The following MOBP variants were observed in gnomAD, a reference collection of about 807,000 sequenced individuals.
MOBP encodes myelin-associated oligodendrocyte basic protein.
In MOBP, 5 loss-of-function variants were observed where a neutral mutation model predicts 15.0. That is an observed-to-expected ratio of 0.33 (90% confidence interval 0.17 to 0.70). The LOEUF (loss-of-function observed/expected upper bound fraction) is 0.70. MOBP is among the 30% of genes least tolerant of loss of function. MOBP has a pLI of 0.67. For missense variants in MOBP, 188 were observed against 257.8 expected, an observed-to-expected ratio of 0.73 and a Z score of 1.85; for synonymous variants, 88 against 99.0, an observed-to-expected ratio of 0.89 and a Z score of 0.66.
In MOBP at chr3:39,513,315, A is replaced by G. The variant is rs550786049; in HGVS notation, c.*-68A>G. On this transcript the variant is annotated intron_variant, in intron 4 of 4. Coordinates refer to the MOBP transcript ENST00000311042. ...ATCCACAATTATACTAACTGAACAC[A>G]GAGAAAGAGAGAGAGTATACATCAC... 14 of 1,387,748 alleles carry G rather than the reference A, an allele frequency of 1.0e-5. No individual in the cohort carries two copies. In the East Asian group the frequency reaches 2.8e-4, roughly 28 times the overall value. The allele number at this position is 1,387,748 out of a possible 1,614,324, so 86.0% of individuals were successfully genotyped here.
In MOBP at chr3:39,502,217, G is replaced by C; in HGVS notation, c.148G>C (p.Gly50Arg). The C allele has an allele frequency of 6.2e-7, 1 of 1,614,208 alleles. No homozygotes were observed. The highest frequency in any genetic ancestry group is 8.5e-7 in the Non-Finnish European group (1 of 1,180,040). ...TCGGAAATACAGCATCTGTAAGAGC[G>C]GCTGCTTCTACCAGAAGAAAGAGGA... ...VDRKYSICKS[G>R]CFYQKKEEDW... The change falls in exon 3 of 4, where the codon GGC (glycine) becomes CGC (arginine). Residue 50 changes from glycine (G) to arginine (R), a missense_variant. This residue lies in a region of MOBP where 133 missense variants were observed against 212.5 expected (regional missense o/e 0.63). Transcript: ENST00000684792. This position sits in a 1 kb window ranked among gnomAD's most constrained non-coding sequence, Gnocchi z 6.3.
At chr3:39,516,518 T>C (rs1220072046), downstream of MOBP, among the ~76,000 whole-genome samples, 1 of 152,112 alleles carries the variant, frequency 6.6e-6, no homozygotes, top group Admixed American at 6.5e-5. Context: ...ATTTCCTCTG[T>C]AAAGTAGGAG....
chr3:39,488,057 A>G (rs1421922966), intron 2 of MOBP, among the ~76,000 whole-genome samples: 3 of 152,154 alleles, frequency 2.0e-5, no homozygotes, highest in Non-Finnish European at 4.4e-5. Context: ...TTTTTTCTCA[A>G]AACAATCCAT....
intron 3 of MOBP, among the ~76,000 whole-genome samples, chr3:39,521,143 A>T (rs1305128267): frequency 6.6e-6 from 1 of 151,920 alleles, no homozygotes; most frequent in African/African-American, 2.4e-5. Flanking sequence ...AGAGACAGGG[A>T]TTCACCATGT....
At chr3:39,528,903 C>G (rs1048232858), downstream of MOBP, 2 of 152,244 alleles carry the variant, frequency 1.3e-5, no homozygotes, top group African/African-American at 4.8e-5. Flanking sequence ...TGTGTGGGCA[C>G]TATTGCAAGT....
downstream of MOBP, among the ~76,000 whole-genome samples, chr3:39,516,653 A>G (rs773172297): frequency 3.3e-5 from 5 of 152,240 alleles, no homozygotes; most frequent in African/African-American, 7.2e-5. Flanking sequence ...TTCTTTCTCC[A>G]GATGAATTTA....
chr3:39,487,811 C>T (rs9819301), intron 2 of MOBP, among the ~76,000 whole-genome samples: 9,115 of 152,054 alleles, frequency 0.06, 775 homozygotes, highest in African/African-American at 0.18. Context: ...TGTGAGCCAC[C>T]GCGCCCGGCC....
At chr3:39,515,288 C>G (rs2043186596) in exon 5 of MOBP, 1 of 152,154 alleles carries the variant, frequency 6.6e-6, no homozygotes. Context: ...GGAGTGAATC[C>G]ATCTCTATTC....
chr3:39,475,664 A>G (rs1245415240), intron 1 of MOBP, among the ~76,000 whole-genome samples: 1 of 152,154 alleles, frequency 6.6e-6, no homozygotes, highest in Non-Finnish European at 1.5e-5. Flanking sequence ...TTATAATCCA[A>G]TACTATTCTT....
At chr3:39,480,818 A>T (rs917652872) in intron 2 of MOBP, among the ~76,000 whole-genome samples, 2 of 152,216 alleles carry the variant, frequency 1.3e-5, no homozygotes, top group African/African-American at 4.8e-5. Flanking sequence ...CACTCTGCTC[A>T]TCCATCTATT....
chr3:39,471,854 G>T (rs1454266830), intron 1 of MOBP, among the ~76,000 whole-genome samples: 2 of 152,248 alleles, frequency 1.3e-5, no homozygotes, highest in African/African-American at 4.8e-5. Flanking sequence ...CAACAGGTGT[G>T]TGGAGGCATT....
intron 1 of MOBP, among the ~76,000 whole-genome samples, chr3:39,468,811 TG>T (rs2042391442): frequency 8.4e-6 from 1 of 119,144 alleles, no homozygotes; most frequent in African/African-American, 4.7e-5. Flanking sequence ...TACATATGTG[TG>T]TGTATACATA....
downstream of MOBP, among the ~76,000 whole-genome samples, chr3:39,518,228 G>A (rs1487153412): frequency 6.6e-6 from 1 of 152,146 alleles, no homozygotes; most frequent in Non-Finnish European, 1.5e-5. Flanking sequence ...AACCCAAAAG[G>A]TGCAAGGATT....
intron 2 of MOBP, among the ~76,000 whole-genome samples, chr3:39,486,707 A>G (rs116559155): frequency 6.6e-6 from 1 of 152,150 alleles, no homozygotes; most frequent in Non-Finnish European, 1.5e-5. Context: ...GGTGAGTTTG[A>G]ATGTATTTTT....
chr3:39,473,169 C>T (rs1353537669), intron 1 of MOBP, among the ~76,000 whole-genome samples: 4 of 152,128 alleles, frequency 2.6e-5, no homozygotes, highest in Non-Finnish European at 5.9e-5. Flanking sequence ...TAGGTAAATA[C>T]CTGGTGTCAG....
chr3:39,487,001 T>C (rs2042720017), intron 2 of MOBP, among the ~76,000 whole-genome samples: 1 of 151,346 alleles, frequency 6.6e-6, no homozygotes, highest in African/African-American at 2.4e-5. Context: ...AGTGCAGTGG[T>C]GTGATCATAG....
rs181948363 is a variant in MOBP at position 39,502,946 on chromosome 3, C to G, written c.*66C>G. The G allele has an allele frequency of 8.1e-6, 6 of 740,372 alleles. No homozygotes were observed. The highest frequency in any genetic ancestry group is 1.3e-5 in the Non-Finnish European group (6 of 462,686). The allele number at this position is 740,372 out of a possible 1,614,324, so 45.9% of individuals were successfully genotyped here. On this transcript the variant is annotated 3_prime_UTR_variant, in exon 4 of 4. Transcript: ENST00000684792. This position sits in a 1 kb window ranked among gnomAD's most constrained non-coding sequence, Gnocchi z 6.3. ...AGTTGCTTCCTGTGTTTACTAACAC[C>G]GGGCTGTCTCCATGGCCCTCTTCAG...
downstream of MOBP, among the ~76,000 whole-genome samples, chr3:39,505,007 CTGAT>C (rs2043030824): frequency 6.6e-6 from 1 of 152,340 alleles, no homozygotes; most frequent in Middle Eastern, 3.4e-3. Flanking sequence ...ATCTTAGAAA[CTGAT>C]TGTACGATTT....
intron 1 of MOBP, among the ~76,000 whole-genome samples, chr3:39,468,833 G>A (rs1367360708): frequency 8.8e-6 from 1 of 113,930 alleles, no homozygotes; most frequent in African/African-American, 5.3e-5. Flanking sequence ...TTACATATGT[G>A]TGTATATATA....
Sources: gnomAD v4.1 joint callset for allele counts (sites outside exome capture counted in the v4.1 genomes callset) on GRCh38, gnomAD v4.1.1 for gene constraint, gnomAD v4.1.1 regional missense constraint, Gnocchi (gnomAD v3.1) non-coding constraint, MANE v1.5 for transcripts, NCBI Gene and HGNC (gene_info 2026-07-23, HGNC 2026-07-21) for gene names.